SEC11A: variants seen among roughly 807,000 people sequenced by gnomAD.
SEC11A encodes the protein SEC11 homolog A, signal peptidase complex subunit, also known as signal peptidase complex catalytic subunit SEC11A.
In SEC11A, 14 loss-of-function variants were observed where a neutral mutation model predicts 25.6. The observed-to-expected ratio is 0.55, with a 90% confidence interval of 0.36 to 0.85. The LOEUF (loss-of-function observed/expected upper bound fraction) is 0.85. Ranked by LOEUF, SEC11A falls within the 40% of genes least tolerant of loss-of-function variation. The pLI is 0.01. For synonymous variants in SEC11A, 83 were observed against 76.4 expected (o/e 1.09, Z -0.45); for missense variants, 153 against 222.9 (o/e 0.69, Z 2.00).
chr15:84,672,555 T>C (rs1038952960), intron 4 of SEC11A: 9 of 178,550 alleles, frequency 5.0e-5, no homozygotes, highest in Admixed American at 1.9e-4. Flanking sequence ...AGACGGAGTC[T>C]CGTTCACTCA....
intron 1 of SEC11A, among the ~76,000 whole-genome samples, chr15:84,694,604 C>T (rs1249252765): frequency 6.6e-6 from 1 of 152,046 alleles, no homozygotes. Flanking sequence ...CTGGTGTTTA[C>T]CCCAACCACT....
At chr15:84,695,675 C>CATTTTCT (rs71132697) in intron 1 of SEC11A, among the ~76,000 whole-genome samples, 30,471 of 151,758 alleles carry the variant, frequency 0.2, 3,806 homozygotes, top group Middle Eastern at 0.36. Context: ...TCTCTTGTAC[C>CATTTTCT]ATTTTCTATT....
chr15:84,692,962 C>T (rs1472076744), intron 1 of SEC11A, among the ~76,000 whole-genome samples: 2 of 152,148 alleles, frequency 1.3e-5, no homozygotes, highest in Non-Finnish European at 2.9e-5. Flanking sequence ...CCTCCCACTT[C>T]AGCCTCCCGA....
chr15:84,712,976 GC>G (rs1292031988), intron 1 of SEC11A, among the ~76,000 whole-genome samples: 6 of 152,056 alleles, frequency 3.9e-5, no homozygotes, highest in African/African-American at 1.2e-4. Context: ...GAAGGCCGAG[GC>G]AGGCGGATCA....
In SEC11A at chr15:84,716,009, G is replaced by C. The variant is rs908803494; in HGVS notation, c.51+16C>G. On this transcript the variant is annotated intron_variant, in intron 1 of 5. Transcript: ENST00000268220. ...GACAAGAAGAGCCAGGAGAAAAAGA[G>C]GACGGACAAGCTCACCTGCCGCTTG... The C allele has an allele frequency of 6.2e-7, 1 of 1,612,766 alleles. No homozygotes were observed. The highest frequency in any genetic ancestry group is 1.1e-5 in the South Asian group (1 of 90,908).
rs193242578 is a variant in SEC11A, at chr15:84,710,431, C to T, written c.51+5594G>A. On this transcript the variant is annotated intron_variant, in intron 1 of 5. Transcript: ENST00000268220. ...GGCGGATCACTTGAGGTCAGGAGTT[C>T]GAGACCAGCCTGGTCAACATGGTGA... Among the ~76,000 whole-genome samples, 873 of 152,096 alleles carry T rather than the reference C, an allele frequency of 5.7e-3. 3 individuals carry two copies. Among genetic ancestry groups the T allele is most frequent in the African/African-American group, 0.019 (807 of 41,498 alleles).
At position 84,711,121 on chromosome 15, in the gene SEC11A, A is replaced by G. The variant is rs1485249559; in HGVS notation, c.51+4904T>C. 2.0e-5 allele frequency among the ~76,000 whole-genome samples: 3 copies of G among 151,274 alleles called. No individual in the cohort carries two copies. The East Asian group carries it at 5.8e-4, about 29-fold the overall frequency. On this transcript the variant is annotated intron_variant, in intron 1 of 5. Coordinates refer to ENST00000268220, the MANE Select transcript of SEC11A (RefSeq NM_014300.4). ...AGGCTGGGCGCAGTGACTCACACCT[A>G]TATTCAATCCCAGCTCTTTGGGAGG... is the stretch of plus-strand genomic sequence containing the variant.
At chr15:84,675,646 C>T (rs1327586646) in intron 4 of SEC11A, among the ~76,000 whole-genome samples, 1 of 152,244 alleles carries the variant, frequency 6.6e-6, no homozygotes, top group East Asian at 1.9e-4. Flanking sequence ...ATTTTTAATT[C>T]TTCTTTCCAT....
chr15:84,702,935 A>C (rs1019618184), intron 1 of SEC11A, among the ~76,000 whole-genome samples: 2 of 152,168 alleles, frequency 1.3e-5, no homozygotes, highest in African/African-American at 2.4e-5. Flanking sequence ...GCCAGTTTTA[A>C]GTAAGGTTCC....
intron 1 of SEC11A, among the ~76,000 whole-genome samples, chr15:84,709,546 G>A (rs959283631): frequency 1.3e-5 from 2 of 151,794 alleles, no homozygotes; most frequent in African/African-American, 4.8e-5. Flanking sequence ...GGGTTCAAGC[G>A]ATTCTTCTGC....
In SEC11A at chr15:84,708,737, G is replaced by A. The variant is rs562472667; in HGVS notation, c.51+7288C>T. Among the ~76,000 whole-genome samples, 11 of 151,870 alleles carry A rather than the reference G, an allele frequency of 7.2e-5. No homozygotes were observed. In the South Asian group the frequency reaches 2.3e-3, roughly 32 times the overall value. ...CAGGAGGTTGAGACTGCAGTGAGCTGTAATCGCATCACTGGACTCCAGCCT... is the reference window on the plus strand; with the variant it reads ...CAGGAGGTTGAGACTGCAGTGAGCTATAATCGCATCACTGGACTCCAGCCT... On this transcript the variant is annotated intron_variant, in intron 1 of 5. Coordinates refer to ENST00000268220, the MANE Select transcript of SEC11A (RefSeq NM_014300.4).
Position 84,680,788 on chromosome 15 carries a change from G to A in SEC11A, c.356C>T (p.Ala119Val), listed in dbSNP as rs201551814. Residue 119 changes from alanine (A) to valine (V), a missense_variant, in exon 4 of 6, where the codon GCG (alanine) becomes GTG (valine). Physicochemically the swap from Ala to Val is moderately conservative, Grantham distance 64. Transcript: ENST00000268220. ...TTTATAGAGGCCTCGGTCATCAACC[G>A]CATTATTATCTCCTTTGGTCAAAAA... ...IKFLTKGDNN[A>V]VDDRGLYKQG... is the part of the protein sequence containing the mutation. The A allele has an allele frequency of 1.9e-4, 298 of 1,610,134 alleles. 1 individual carries two copies. In the Middle Eastern group the frequency reaches 2.0e-3, roughly 11 times the overall value.
At chr15:84,691,781 T>C (rs1055017577) in intron 1 of SEC11A, 137 bp from the exon 2 acceptor site, 3 of 527,128 alleles carry the variant, frequency 5.7e-6, no homozygotes, top group African/African-American at 3.9e-5. Flanking sequence ...TAATACATTA[T>C]AATAATTATG....
intron 1 of SEC11A, among the ~76,000 whole-genome samples, chr15:84,694,103 C>T (rs1446925140): frequency 6.6e-6 from 1 of 151,882 alleles, no homozygotes; most frequent in Non-Finnish European, 1.5e-5. Flanking sequence ...ATCTGTAATC[C>T]CAGCAATTTG....
At chr15:84,683,216 A>G (rs1042954608) in intron 3 of SEC11A, among the ~76,000 whole-genome samples, 1 of 152,228 alleles carries the variant, frequency 6.6e-6, no homozygotes, top group Admixed American at 6.5e-5. Flanking sequence ...AGTCAGGAAC[A>G]GCAGGAAGGA....
chr15:84,699,820 G>A (rs912816296), intron 1 of SEC11A, among the ~76,000 whole-genome samples: 1 of 151,916 alleles, frequency 6.6e-6, no homozygotes, highest in Non-Finnish European at 1.5e-5. Context: ...GGAGTTCAGG[G>A]AGGCAAAAGC....
chr15:84,706,459 C>T (rs909823957), intron 1 of SEC11A, among the ~76,000 whole-genome samples: 3 of 152,084 alleles, frequency 2.0e-5, no homozygotes, highest in African/African-American at 4.8e-5. Flanking sequence ...TCAGTACTCC[C>T]ATCTAAAAGT....
intron 3 of SEC11A, among the ~76,000 whole-genome samples, chr15:84,685,503 C>T (rs1244356769): frequency 2.6e-5 from 4 of 151,446 alleles, no homozygotes; most frequent in East Asian, 1.9e-4. Flanking sequence ...AGAGCTCCTG[C>T]GCTCAAGCAC....
intron 1 of SEC11A, 60 bp from the exon 2 acceptor site, chr15:84,691,704 GA>G: frequency 1.1e-6 from 1 of 936,298 alleles, no homozygotes; most frequent in Admixed American, 1.9e-5. Flanking sequence ...GAAAGCAACT[GA>G]AAGCAGTAAC....
Sources: gnomAD v4.1 joint callset for allele counts (sites outside exome capture counted in the v4.1 genomes callset) on GRCh38, gnomAD v4.1.1 for gene constraint, MANE v1.5 for transcripts, NCBI Gene and HGNC (gene_info 2026-07-23, HGNC 2026-07-21) for gene names.